MDM1: variants seen among roughly 807,000 people sequenced by gnomAD.
MDM1 encodes Mdm1 nuclear protein.
Under a neutral mutation model 89.1 loss-of-function variants are expected in MDM1, and 61 were observed. The ratio of observed to expected loss-of-function variants is 0.68; its 90% CI spans 0.56 to 0.85. The LOEUF (loss-of-function observed/expected upper bound fraction) is 0.85. Ranked by LOEUF, MDM1 falls within the 40% of genes least tolerant of loss-of-function variation. The probability of loss-of-function intolerance (pLI) is 0.00; values close to 1 mark genes in which losing one functional copy is unlikely to be tolerated. For synonymous variants in MDM1, 290 were observed against 294.1 expected, an observed-to-expected ratio of 0.99 and a Z score of 0.14; for missense variants, 820 against 846.5, an observed-to-expected ratio of 0.97 and a Z score of 0.39.
chr12:68,323,445 T>A (rs1329056385), intron 4 of MDM1: 3 of 432,512 alleles, frequency 6.9e-6, no homozygotes, highest in Non-Finnish European at 1.2e-5. Context: ...AACAGTTTTG[T>A]AATCAAAATA....
At chr12:68,302,108 A>G (rs1159436772) in intron 13 of MDM1, among the ~76,000 whole-genome samples, 1 of 152,238 alleles carries the variant, frequency 6.6e-6, no homozygotes, top group Non-Finnish European at 1.5e-5. Context: ...GCACATCATA[A>G]AATTTCAGAA....
chr12:68,313,294 C>G lies in MDM1; in HGVS notation c.1749+149G>C, dbSNP rs915945247. 5 of 607,586 alleles carry G rather than the reference C, an allele frequency of 8.2e-6. No homozygotes were observed. The Admixed American group carries it at 9.3e-5, about 11-fold the overall frequency. The allele number at this position is 607,586 out of a possible 1,614,324, so 37.6% of individuals were successfully genotyped here. ...TGCTTCTAACAGAAAAAAAGTCAAG[C>G]CTTTTGCCTTACTAAAAGCAGGTTA... On this transcript the variant is annotated intron_variant, in intron 12 of 14. Coordinates refer to ENST00000682720, the MANE Select transcript of MDM1 (RefSeq NM_001354969.2).
chr12:68,332,268 G>T lies in MDM1; in HGVS notation c.-23C>A. The T allele has an allele frequency of 6.3e-7, 1 of 1,581,968 alleles. No individual in the cohort carries two copies. The highest frequency in any genetic ancestry group is 8.6e-7 in the Non-Finnish European group (1 of 1,164,884). ...CATGTCGCCCGGCGCCGGAGCCCCCGCTACTCCGACAGTTAACTGGAGAAA... is the reference window on the plus strand; with the variant it reads ...CATGTCGCCCGGCGCCGGAGCCCCCTCTACTCCGACAGTTAACTGGAGAAA... On this transcript the variant is annotated 5_prime_UTR_variant, in exon 1 of 15. Coordinates refer to ENST00000682720, the MANE Select transcript of MDM1 (RefSeq NM_001354969.2).
intron 3 of MDM1, chr12:68,326,252 G>T: frequency 8.6e-7 from 1 of 1,160,918 alleles, no homozygotes; most frequent in Non-Finnish European, 1.1e-6. Flanking sequence ...TTCATCAATT[G>T]AATTTCTGTT....
intron 5 of MDM1, 109 bp downstream of exon 5, chr12:68,322,964 A>C (rs1875430626): frequency 1.1e-6 from 1 of 931,168 alleles, no homozygotes. Flanking sequence ...CAAATGAATT[A>C]ATGAACTAGT....
chr12:68,327,005 T>G lies in MDM1; in HGVS notation c.150A>C (p.Pro50=). Residue 50 remains proline, a synonymous_variant, in exon 3 of 15, where the codon CCA becomes CCC. Coordinates refer to ENST00000682720, the MANE Select transcript of MDM1 (RefSeq NM_001354969.2). Reference sequence around the variant, plus strand: ...GGACTCTTCTTTTTGAAATAAAACTTGGCTCTTTCGTGATGCCTACAAAAC... The same window carrying G: ...GGACTCTTCTTTTTGAAATAAAACTGGGCTCTTTCGTGATGCCTACAAAAC... ...RSDQLGITKE[P]SFISKRRVPY... is the part of the protein sequence containing the mutation. 2 of 1,596,344 alleles carry G rather than the reference T, an allele frequency of 1.3e-6. No individual in the cohort carries two copies. The highest frequency in any genetic ancestry group is 8.5e-7 in the Non-Finnish European group (1 of 1,174,684).
At chr12:68,324,342 C>T (rs536692115) in intron 4 of MDM1, among the ~76,000 whole-genome samples, 1 of 152,126 alleles carries the variant, frequency 6.6e-6, no homozygotes, top group South Asian at 2.1e-4. Flanking sequence ...GTTTTAGGTA[C>T]ACTTAATCTC....
At chr12:68,307,937 C>CA (rs555138792) in intron 12 of MDM1, among the ~76,000 whole-genome samples, 4,273 of 69,412 alleles carry the variant, frequency 0.062, 85 homozygotes, top group African/African-American at 0.083. Context: ...GACCCTGTCT[C>CA]AAAAAAAAAA....
At chr12:68,299,084 A>T (rs1871797750) in intron 13 of MDM1, among the ~76,000 whole-genome samples, 1 of 152,220 alleles carries the variant, frequency 6.6e-6, no homozygotes, top group African/African-American at 2.4e-5. Flanking sequence ...ATAACAAATT[A>T]TAATCATTAA....
At chr12:68,313,069 C>T (rs868404431) in intron 12 of MDM1, among the ~76,000 whole-genome samples, 1 of 152,138 alleles carries the variant, frequency 6.6e-6, no homozygotes, top group Admixed American at 6.5e-5. Context: ...TGTCTCCCTC[C>T]TCCACTAGAA....
intron 13 of MDM1, 92 bp from the exon 14 acceptor site, chr12:68,297,074 G>T: frequency 1.3e-6 from 1 of 792,326 alleles, no homozygotes; most frequent in Non-Finnish European, 1.8e-6. Flanking sequence ...AAAGTAGGCT[G>T]TCAGAAATTT....
intron 12 of MDM1, among the ~76,000 whole-genome samples, chr12:68,304,003 T>C (rs1375315515): frequency 6.6e-6 from 1 of 152,094 alleles, no homozygotes. Context: ...TTTGGGATAC[T>C]TGGGTGGCCA....
chr12:68,297,930 C>G (rs1050694042), intron 13 of MDM1, among the ~76,000 whole-genome samples: 1 of 152,098 alleles, frequency 6.6e-6, no homozygotes, highest in African/African-American at 2.4e-5. Context: ...AGAGCAGACC[C>G]ACCTAACCCA....
At chr12:68,327,238 C>G in intron 2 of MDM1, 1 of 1,402,988 alleles carries the variant, frequency 7.1e-7, no homozygotes, top group Non-Finnish European at 9.2e-7. Context: ...AAAAATTTGA[C>G]CATAACAAAA....
rs754480087 is a variant in MDM1 at position 68,332,283 on chromosome 12, A to T, written c.-38T>A. 2.5e-6 allele frequency: 4 copies of T among 1,572,908 alleles called. No homozygotes were observed. Among genetic ancestry groups the T allele is most frequent in the Non-Finnish European group, 3.4e-6 (4 of 1,160,332 alleles). On this transcript the variant is annotated 5_prime_UTR_variant, in exon 1 of 15. Coordinates refer to ENST00000682720, the MANE Select transcript of MDM1 (RefSeq NM_001354969.2). ...CGGAGCCCCCGCTACTCCGACAGTTAACTGGAGAAAAAGCTCCGAGGGGGC... is the reference window on the plus strand; with the variant it reads ...CGGAGCCCCCGCTACTCCGACAGTTTACTGGAGAAAAAGCTCCGAGGGGGC...
Position 68,321,432 on chromosome 12 carries a change from T to G in MDM1, c.920A>C (p.Glu307Ala). The G allele has an allele frequency of 1.2e-6, 2 of 1,613,710 alleles. No homozygotes were observed. The highest frequency in any genetic ancestry group is 1.7e-6 in the Non-Finnish European group (2 of 1,179,828). ...TGGGCTCAGAAATTTTGCTCTATAT[T>G]CGGAATTCACCTTCCTAATAGAAAT... ...KHQRLGKVNS[E>A]YRAKFLSPAQ... Residue 307 changes from glutamate to alanine, a missense_variant, in exon 7 of 15, where the codon GAA (glutamate) becomes GCA (alanine). By Grantham distance (107) the Glu-to-Ala change is moderately radical. Coordinates refer to ENST00000682720, the MANE Select transcript of MDM1 (RefSeq NM_001354969.2).
intron 12 of MDM1, among the ~76,000 whole-genome samples, chr12:68,305,948 TAAGCAAAAAAAAA>T (rs1190460441): frequency 1.8e-5 from 2 of 109,846 alleles, no homozygotes; most frequent in African/African-American, 3.5e-5. Flanking sequence ...AAAGCAATCC[TAAGCAAAAAAAAA>T]AAGGAAAAAA....
intron 4 of MDM1, 64 bp from the exon 5 acceptor site, chr12:68,323,304 T>C (rs1875492953): frequency 8.4e-7 from 1 of 1,191,442 alleles, no homozygotes; most frequent in Non-Finnish European, 1.2e-6. Context: ...TGGTCTTCAA[T>C]TACTTAACAA....
In MDM1 at chr12:68,304,177, G is replaced by A. The variant is rs183465482; in HGVS notation, c.1750-1305C>T. On this transcript the variant is annotated intron_variant, in intron 12 of 14. Transcript: ENST00000682720. ...TGTAATCCTAGCACTTTGGGAGGCC[G>A]AGACGGGAGGATCACTTTAGGCCAG... 1.8e-3 allele frequency among the ~76,000 whole-genome samples: 271 copies of A among 152,224 alleles called. 2 individuals carry two copies. The highest frequency in any genetic ancestry group is 3.2e-3 in the Non-Finnish European group (218 of 68,014).
Sources: allele counts gnomAD v4.1 joint callset (sites outside exome capture counted in the v4.1 genomes callset), GRCh38; gene constraint gnomAD v4.1.1; transcripts MANE v1.5; gene names NCBI Gene and HGNC (gene_info 2026-07-23, HGNC 2026-07-21).